DCDC2: variants seen among roughly 807,000 people sequenced by gnomAD.
DCDC2 encodes doublecortin domain containing 2, also known as doublecortin domain-containing protein 2.
A neutral mutation model predicts 50.2 loss-of-function variants in DCDC2; 40 were observed. The ratio of observed to expected loss-of-function variants is 0.80; its 90% CI spans 0.62 to 1.04. The LOEUF (loss-of-function observed/expected upper bound fraction) is 1.04. Ranked by LOEUF, DCDC2 falls within the 50% of genes least tolerant of loss-of-function variation. The probability of loss-of-function intolerance (pLI) is 0.00; values close to 1 mark genes in which losing one functional copy is unlikely to be tolerated. For synonymous variants in DCDC2, 234 were observed against 210.6 expected, an observed-to-expected ratio of 1.11 and a Z score of -0.96; for missense variants, 570 against 581.9, an observed-to-expected ratio of 0.98 and a Z score of 0.21.
intron 7 of DCDC2, among the ~76,000 whole-genome samples, chr6:24,277,823 C>G (rs1261668245): frequency 6.6e-6 from 1 of 152,022 alleles, no homozygotes; most frequent in East Asian, 1.9e-4. Flanking sequence ...ATAAGACTAC[C>G]ACAAAATATA....
intron 7 of DCDC2, among the ~76,000 whole-genome samples, chr6:24,228,500 G>C (rs1762278268): frequency 6.6e-6 from 1 of 152,184 alleles, no homozygotes; most frequent in Non-Finnish European, 1.5e-5. Flanking sequence ...CTTTTGCCAT[G>C]TAAATGTGGG....
At chr6:24,351,227 G>A (rs1187395432) in intron 2 of DCDC2, among the ~76,000 whole-genome samples, 1 of 152,228 alleles carries the variant, frequency 6.6e-6, no homozygotes, top group African/African-American at 2.4e-5. Context: ...TTTGCTTAAA[G>A]CAGACTTCGG....
chr6:24,240,042 C>T (rs1762532835), intron 7 of DCDC2, among the ~76,000 whole-genome samples: 1 of 152,048 alleles, frequency 6.6e-6, no homozygotes, highest in South Asian at 2.1e-4. Flanking sequence ...CAACTAAGAG[C>T]CAACAAGGAG....
At chr6:24,254,515 T>C (rs1265750013) in intron 7 of DCDC2, among the ~76,000 whole-genome samples, 1 of 152,166 alleles carries the variant, frequency 6.6e-6, no homozygotes, top group Non-Finnish European at 1.5e-5. Flanking sequence ...TCCATTGTAA[T>C]CTTATTGGGC....
In DCDC2 at chr6:24,289,844, G is replaced by A. The variant is rs115687961; in HGVS notation, c.705-938C>T. Among the ~76,000 whole-genome samples the A allele has an allele frequency of 8.6e-3, 1,307 of 151,804 alleles. 8 individuals are homozygous for A. The highest frequency in any genetic ancestry group is 0.016 in the African/African-American group (667 of 41,426). ...GATATTCTGCTCTACTTCTGCGGAC[G>A]ACAACCAAAAAAAATTTTTTTTTGC... On this transcript the variant is annotated intron_variant, in intron 5 of 9. Coordinates refer to ENST00000378454, the MANE Select transcript of DCDC2 (RefSeq NM_016356.5).
upstream of DCDC2, among the ~76,000 whole-genome samples, chr6:24,359,328 ATATATAT>A (rs1416967382): frequency 7.6e-5 from 3 of 39,656 alleles, no homozygotes; most frequent in African/African-American, 3.1e-4. Context: ...TTATATTTTT[ATATATAT>A]TATATATTAT....
At chr6:24,178,879 A>C (rs1444448846) in intron 8 of DCDC2, among the ~76,000 whole-genome samples, 1 of 152,160 alleles carries the variant, frequency 6.6e-6, no homozygotes, top group African/African-American at 2.4e-5. Context: ...TTTGCAGATG[A>C]GAAAACTAAA....
At chr6:24,203,416 G>A (rs1761631863) in intron 8 of DCDC2, among the ~76,000 whole-genome samples, 1 of 152,160 alleles carries the variant, frequency 6.6e-6, no homozygotes. Context: ...ATGGCGTTGG[G>A]AAAACTGGCT....
At position 24,172,483 on chromosome 6, in the gene DCDC2, A is replaced by G. The variant is rs960639519; in HGVS notation, c.*2247T>C. 4 of 152,188 alleles carry G rather than the reference A, an allele frequency of 2.6e-5. No homozygotes were observed. The highest frequency in any genetic ancestry group is 9.7e-5 in the African/African-American group (4 of 41,444). 9.4% of individuals were successfully genotyped at this position (152,188 alleles called of 1,614,324 possible). A position where few individuals can be genotyped will look rare whatever the true frequency, so the allele number is the denominator to read the frequency against. On this transcript the variant is annotated 3_prime_UTR_variant, in exon 10 of 10. Coordinates refer to ENST00000378454, the MANE Select transcript of DCDC2 (RefSeq NM_016356.5). ...TAAAATGACGCTTAAGGTGTTTCCT[A>G]AAACCTAAGTTTCATAATATAATGA...
rs1554119343 is a variant in DCDC2 at position 24,327,453 on chromosome 6, C to CTTATATAT, written c.349-25410_349-25409insATATATAA. On this transcript the variant is annotated intron_variant, in intron 2 of 9. Transcript: ENST00000378454. The stretch of plus-strand genomic sequence containing the variant: ...ACTTTTAGTCAATCAACATTATAAA[C>CTTATATAT]TTATTTATTTATTTATTTATTTATT... Among the ~76,000 whole-genome samples the CTTATATAT allele has an allele frequency of 5.9e-5, 8 of 136,612 alleles. 1 individual carries two copies. Among genetic ancestry groups the CTTATATAT allele is most frequent in the African/African-American group, 8.0e-5 (3 of 37,304 alleles). The allele number at this position is 136,612 out of a possible 152,430, so 89.6% of individuals were successfully genotyped here.
intron 8 of DCDC2, among the ~76,000 whole-genome samples, chr6:24,180,668 T>C (rs933853541): frequency 1.7e-4 from 26 of 152,192 alleles, no homozygotes; most frequent in Middle Eastern, 3.4e-3. Context: ...CTACCTGACA[T>C]TGGACAGGTC....
intron 7 of DCDC2, among the ~76,000 whole-genome samples, chr6:24,254,061 T>G (rs1451369029): frequency 1.3e-5 from 2 of 152,286 alleles, no homozygotes; most frequent in East Asian, 3.9e-4. Context: ...TTTTAAACCT[T>G]TTCGTTAAAA....
chr6:24,314,935 T>C (rs913497140), intron 2 of DCDC2, among the ~76,000 whole-genome samples: 13 of 152,186 alleles, frequency 8.5e-5, no homozygotes, highest in African/African-American at 3.1e-4. Context: ...TAGTGCTAAG[T>C]GCTTGAGATC....
chr6:24,325,110 T>G (rs1383838152), intron 2 of DCDC2, among the ~76,000 whole-genome samples: 2 of 152,068 alleles, frequency 1.3e-5, no homozygotes, highest in African/African-American at 4.8e-5. Flanking sequence ...GACCCTCTCC[T>G]CTTAGAATAA....
chr6:24,241,723 C>A (rs1244875163), intron 7 of DCDC2, among the ~76,000 whole-genome samples: 1 of 152,194 alleles, frequency 6.6e-6, no homozygotes, highest in Non-Finnish European at 1.5e-5. Flanking sequence ...TTTAGATAAG[C>A]CACCTTCCCC....
At chr6:24,283,285 A>G (rs192618872) in intron 6 of DCDC2, among the ~76,000 whole-genome samples, 3 of 151,976 alleles carry the variant, frequency 2.0e-5, no homozygotes, top group East Asian at 3.9e-4. Flanking sequence ...TTTTCTCAAC[A>G]TGCTAATTTC....
chr6:24,318,780 C>CGTGTGTGTGTGTGTGTGTGT (rs57175093), intron 2 of DCDC2, among the ~76,000 whole-genome samples: 2,541 of 149,624 alleles, frequency 0.017, 33 homozygotes, highest in African/African-American at 0.024. Context: ...TATATACGTA[C>CGTGTGTGTGTGTGTGTGTGT]GTGTGTGTGT....
At chr6:24,257,417 G>A (rs917269381) in intron 7 of DCDC2, among the ~76,000 whole-genome samples, 14 of 152,138 alleles carry the variant, frequency 9.2e-5, no homozygotes, top group Non-Finnish European at 1.6e-4. Flanking sequence ...CACCAGTGGA[G>A]AGAAAGGGCA....
Position 24,244,843 on chromosome 6 carries a change from G to C in DCDC2, c.922+33206C>G, listed in dbSNP as rs538567396. Reference sequence around the variant, plus strand: ...ATGTAAAGTAGCATAATGGATTGAGGTGACACAGACCCTCTCCTGCTACAA... The same window carrying C: ...ATGTAAAGTAGCATAATGGATTGAGCTGACACAGACCCTCTCCTGCTACAA... On this transcript the variant is annotated intron_variant, in intron 7 of 9. Coordinates refer to ENST00000378454, the MANE Select transcript of DCDC2 (RefSeq NM_016356.5). 2.0e-5 allele frequency among the ~76,000 whole-genome samples: 3 copies of C among 152,320 alleles called. No homozygotes were observed. In the East Asian group the frequency reaches 5.8e-4, roughly 29 times the overall value.
Sources: allele counts gnomAD v4.1 joint callset (sites outside exome capture counted in the v4.1 genomes callset), GRCh38; gene constraint gnomAD v4.1.1; transcripts MANE v1.5; gene names NCBI Gene and HGNC (gene_info 2026-07-23, HGNC 2026-07-21).